The following SCHIP1 variants were observed in gnomAD, a reference collection of about 807,000 sequenced individuals.
The protein encoded by SCHIP1 is schwannomin interacting protein 1, also known as schwannomin-interacting protein 1.
Under a neutral mutation model 29.7 loss-of-function variants are expected in SCHIP1, and 8 were observed. The observed-to-expected ratio is 0.27, with a 90% CI of 0.16 to 0.49. The LOEUF is 0.49. Among genes scored for constraint, SCHIP1 ranks in the 20% least tolerant of loss-of-function variants. The probability of loss-of-function intolerance (pLI) is 0.99; values close to 1 mark genes in which losing one functional copy is unlikely to be tolerated. For synonymous variants in SCHIP1, 76 were observed against 94.9 expected (o/e 0.80, Z 1.16); for missense variants, 193 against 294.6 (o/e 0.66, Z 2.52).
the SCHIP1 span, among the ~76,000 whole-genome samples, chr3:159,555,798 A>G: frequency 1.4e-3 from 219 of 152,326 alleles, no homozygotes; most frequent in Non-Finnish European, 2.3e-3. Flanking sequence ...TTCTATCTCT[A>G]TGGTGACTGT....
chr3:159,761,447 A>G, the SCHIP1 span, among the ~76,000 whole-genome samples: 1 of 152,240 alleles, frequency 6.6e-6, no homozygotes, highest in African/African-American at 2.4e-5. Context: ...CAAGCTCCTA[A>G]CTTGAAAAAA....
the SCHIP1 span, among the ~76,000 whole-genome samples, chr3:159,664,990 C>A: frequency 6.6e-6 from 1 of 152,210 alleles, no homozygotes; most frequent in African/African-American, 2.4e-5. Flanking sequence ...TGCTTTGGTT[C>A]CAAAGGCCTG....
At chr3:159,340,735 C>T in the SCHIP1 span, among the ~76,000 whole-genome samples, 65 of 152,240 alleles carry the variant, frequency 4.3e-4, no homozygotes, top group Non-Finnish European at 8.7e-4. Flanking sequence ...TGACTGTTTC[C>T]TCTCTTGGCA....
the SCHIP1 span, among the ~76,000 whole-genome samples, chr3:159,551,118 A>G: frequency 6.6e-6 from 1 of 152,130 alleles, no homozygotes; most frequent in African/African-American, 2.4e-5. Flanking sequence ...ATGGATGGCT[A>G]AACATTTTTC....
the SCHIP1 span, among the ~76,000 whole-genome samples, chr3:159,380,096 A>G: frequency 6.6e-6 from 1 of 152,204 alleles, no homozygotes; most frequent in Admixed American, 6.5e-5. Context: ...TAAAAACTAT[A>G]TCTAGTTTGT....
the SCHIP1 span, among the ~76,000 whole-genome samples, chr3:159,806,770 A>G: frequency 6.6e-6 from 1 of 152,226 alleles, no homozygotes; most frequent in South Asian, 2.1e-4. Context: ...TGCCTGTAAG[A>G]CCTGCTCTGG....
At chr3:159,826,869 A>G in the SCHIP1 span, among the ~76,000 whole-genome samples, 1 of 152,246 alleles carries the variant, frequency 6.6e-6, no homozygotes, top group African/African-American at 2.4e-5. Flanking sequence ...AGGGTTTTAG[A>G]AGAGTTGGGA....
At chr3:159,379,969 T>A in the SCHIP1 span, among the ~76,000 whole-genome samples, 11 of 152,240 alleles carry the variant, frequency 7.2e-5, no homozygotes, top group Admixed American at 6.5e-5. Context: ...TAGCAGGGAG[T>A]CACAAATACA....
the SCHIP1 span, among the ~76,000 whole-genome samples, chr3:159,807,097 AT>A: frequency 2.0e-5 from 3 of 152,340 alleles, no homozygotes; most frequent in South Asian, 6.2e-4. Flanking sequence ...AGATTTCACA[AT>A]TTTGCTTCAG....
chr3:159,481,544 C>T, the SCHIP1 span, among the ~76,000 whole-genome samples: 1 of 152,058 alleles, frequency 6.6e-6, no homozygotes, highest in Admixed American at 6.6e-5. Flanking sequence ...TGGGAAATTC[C>T]AATTTTACTA....
the SCHIP1 span, among the ~76,000 whole-genome samples, chr3:159,280,477 C>T: frequency 6.6e-6 from 1 of 152,176 alleles, no homozygotes; most frequent in Non-Finnish European, 1.5e-5. Flanking sequence ...ATCGCTCAGA[C>T]ATTTGACTCA....
At chr3:159,374,492 G>A in the SCHIP1 span, among the ~76,000 whole-genome samples, 2 of 152,124 alleles carry the variant, frequency 1.3e-5, no homozygotes, top group African/African-American at 2.4e-5. Flanking sequence ...GTTTTTCTTC[G>A]GTCACTCCAC....
the SCHIP1 span, among the ~76,000 whole-genome samples, chr3:159,431,983 G>A: frequency 1.4e-4 from 2 of 14,010 alleles, no homozygotes; most frequent in African/African-American, 4.5e-4. Flanking sequence ...CTTAACAAAT[G>A]ATTCTAAAAG....
the SCHIP1 span, among the ~76,000 whole-genome samples, chr3:159,618,456 G>A: frequency 2.0e-5 from 3 of 152,164 alleles, no homozygotes; most frequent in Non-Finnish European, 4.4e-5. Flanking sequence ...GAAAACATAT[G>A]TATGTACACA....
the SCHIP1 span, among the ~76,000 whole-genome samples, chr3:159,668,676 G>C: frequency 3.9e-5 from 6 of 152,052 alleles, no homozygotes; most frequent in Non-Finnish European, 5.9e-5. Context: ...GTTCCCATCA[G>C]CTGGAAAGAG....
the SCHIP1 span, among the ~76,000 whole-genome samples, chr3:159,738,798 G>C: frequency 6.6e-6 from 1 of 152,314 alleles, no homozygotes; most frequent in South Asian, 2.1e-4. Flanking sequence ...GTGTGTATTT[G>C]TGTGCACAAG....
At chr3:159,821,195 G>A in the SCHIP1 span, among the ~76,000 whole-genome samples, 5 of 152,140 alleles carry the variant, frequency 3.3e-5, no homozygotes, top group Admixed American at 6.5e-5. Flanking sequence ...ATTTAGGATG[G>A]TGTAGCATGG....
the SCHIP1 span, among the ~76,000 whole-genome samples, chr3:159,406,353 A>G: frequency 4.7e-4 from 71 of 152,312 alleles, 1 homozygote; most frequent in African/African-American, 1.7e-3. Flanking sequence ...AACAACAACA[A>G]AAACTTTTAT....
At chr3:159,520,426 T>C in the SCHIP1 span, among the ~76,000 whole-genome samples, 3 of 152,148 alleles carry the variant, frequency 2.0e-5, no homozygotes, top group African/African-American at 7.2e-5. Context: ...AAGCAAGGTA[T>C]TGGGGAACAA....
Sources: allele counts gnomAD v4.1 joint callset (sites outside exome capture counted in the v4.1 genomes callset), GRCh38; gene constraint gnomAD v4.1.1; transcripts MANE v1.5; gene names NCBI Gene and HGNC (gene_info 2026-07-23, HGNC 2026-07-21).